CCSER2: variants seen among roughly 807,000 people sequenced by gnomAD.
CCSER2 encodes the protein coiled-coil serine rich protein 2.
In CCSER2, 46 loss-of-function variants were observed where a neutral mutation model predicts 92.3. The ratio of observed to expected loss-of-function variants is 0.50; its 90% CI spans 0.39 to 0.64. CCSER2 has a LOEUF of 0.64. Among genes scored for constraint, CCSER2 ranks in the 30% least tolerant of loss-of-function variants. The probability of loss-of-function intolerance (pLI) is 0.00; values close to 1 mark genes in which losing one functional copy is unlikely to be tolerated. For synonymous variants in CCSER2, 433 were observed against 431.4 expected (o/e 1.00, Z -0.04); for missense variants, 1,244 against 1,238.9 (o/e 1.00, Z -0.06).
intron 9 of CCSER2, among the ~76,000 whole-genome samples, chr10:84,501,834 A>AAAAATATATATATATATATATACTCATAT: frequency 2.5e-5 from 1 of 40,174 alleles, no homozygotes; most frequent in African/African-American, 4.7e-5. Flanking sequence ...AAAAAAAAAA[A>AAAAATATATATATATATATATACTCATAT]ATATATATAT....
intron 3 of CCSER2, among the ~76,000 whole-genome samples, chr10:84,409,738 A>G (rs1262750854): frequency 6.6e-6 from 1 of 152,142 alleles, no homozygotes; most frequent in Non-Finnish European, 1.5e-5. Context: ...TAATGTCAAC[A>G]TTTATCAGTT....
intron 1 of CCSER2, among the ~76,000 whole-genome samples, chr10:84,356,140 G>A (rs1845159640): frequency 6.6e-6 from 1 of 151,580 alleles, no homozygotes; most frequent in African/African-American, 2.4e-5. Flanking sequence ...TTAATCTGAG[G>A]TGGAGGTTTG....
At chr10:84,484,030 C>G (rs1234544440) in intron 9 of CCSER2, among the ~76,000 whole-genome samples, 1 of 139,202 alleles carries the variant, frequency 7.2e-6, no homozygotes, top group Non-Finnish European at 1.5e-5. Flanking sequence ...GAGTCTCGCT[C>G]TGTCGTGATC....
At chr10:84,441,734 A>AATTTTTTTTTTTT (rs1564667378) in intron 6 of CCSER2, among the ~76,000 whole-genome samples, 1 of 106,410 alleles carries the variant, frequency 9.4e-6, no homozygotes, top group Non-Finnish European at 1.8e-5. Context: ...GACTGGGAAA[A>AATTTTTTTTTTTT]TGTTTTTTTT....
chr10:84,340,504 A>G (rs888552123), intron 1 of CCSER2, among the ~76,000 whole-genome samples: 9 of 152,210 alleles, frequency 5.9e-5, no homozygotes, highest in Non-Finnish European at 1.0e-4. Flanking sequence ...AAACACAGTC[A>G]TATCCTAAAG....
chr10:84,460,256 A>ATTTTTT lies in CCSER2; in HGVS notation c.2065-3664_2065-3659dup, dbSNP rs57903884. On this transcript the variant is annotated intron_variant, in intron 6 of 9. Coordinates refer to ENST00000372088, the MANE Select transcript of CCSER2 (RefSeq NM_001284240.2). ...GGGCATGCGCCACCATGCCCGGCTG[A>ATTTTTT]TTTTTTTTTTTTTTTTTTCATATTT... Among the ~76,000 whole-genome samples, 10 of 125,714 alleles carry ATTTTTT rather than the reference A, an allele frequency of 8.0e-5. 1 individual carries two copies. The South Asian group carries it at 8.2e-4, about 10-fold the overall frequency. 82.5% of individuals were successfully genotyped at this position (125,714 alleles called of 152,430 possible). A position where few individuals can be genotyped will look rare whatever the true frequency, so the allele number is the denominator to read the frequency against.
intron 1 of CCSER2, among the ~76,000 whole-genome samples, chr10:84,349,571 A>ACTAGGGAGG (rs1844749609): frequency 6.6e-6 from 1 of 152,128 alleles, no homozygotes; most frequent in African/African-American, 2.4e-5. Flanking sequence ...AGTCCCAGCT[A>ACTAGGGAGG]CTAGGGAGGC....
At chr10:84,397,134 A>G (rs149264553) in intron 3 of CCSER2, among the ~76,000 whole-genome samples, 66 of 152,280 alleles carry the variant, frequency 4.3e-4, no homozygotes, top group African/African-American at 1.5e-3. Context: ...ATGGTATTCT[A>G]TTTTCCTAGA....
chr10:84,507,481 G>A (rs561196918), intron 9 of CCSER2: 1 of 165,824 alleles, frequency 6.0e-6, no homozygotes, highest in South Asian at 2.0e-4. Context: ...CCTTTTTATG[G>A]TTAAAATGTA....
intron 3 of CCSER2, among the ~76,000 whole-genome samples, chr10:84,394,642 C>A (rs1363747008): frequency 6.6e-6 from 1 of 151,612 alleles, no homozygotes; most frequent in South Asian, 2.1e-4. Context: ...TTAGAAATGA[C>A]CCCAGGGAAA....
intron 6 of CCSER2, among the ~76,000 whole-genome samples, chr10:84,463,683 T>C (rs560865929): frequency 3.9e-5 from 6 of 152,338 alleles, no homozygotes; most frequent in African/African-American, 7.2e-5. Flanking sequence ...TTCAGCCGCT[T>C]ATATAGTATC....
intron 1 of CCSER2, among the ~76,000 whole-genome samples, chr10:84,359,838 G>A (rs1845402778): frequency 6.6e-6 from 1 of 151,680 alleles, no homozygotes; most frequent in Non-Finnish European, 1.5e-5. Flanking sequence ...TTCTGAGACA[G>A]AGTCTCACTC....
chr10:84,451,182 CAT>C (rs1191881166), intron 6 of CCSER2, among the ~76,000 whole-genome samples: 3 of 148,942 alleles, frequency 2.0e-5, no homozygotes, highest in African/African-American at 4.9e-5. Context: ...GAATAGGAAA[CAT>C]AGAAATATGT....
At position 84,371,226 on chromosome 10, in the gene CCSER2, T is replaced by G. The variant is rs768551437; in HGVS notation, c.174T>G (p.Cys58Trp). The change falls in exon 2 of 10, where the codon TGT (cysteine) becomes TGG (tryptophan). Residue 58 changes from cysteine to tryptophan, a missense_variant. Coordinates refer to ENST00000372088, the MANE Select transcript of CCSER2 (RefSeq NM_001284240.2). ...ACATCAAAAATAATGGCTCTGATTG[T>G]CCATCATCTCATTCATTTAATTGGA... Reference protein sequence around the residue: ...KSYIKNNGSDCPSSHSFNWRK... With the variant: ...KSYIKNNGSDWPSSHSFNWRK... 6.2e-6 allele frequency: 10 copies of G among 1,613,172 alleles called. No individual in the cohort carries two copies. The African/African-American group carries it at 1.2e-4, about 19-fold the overall frequency.
chr10:84,450,310 G>A (rs1845199764), intron 6 of CCSER2, among the ~76,000 whole-genome samples: 2 of 152,152 alleles, frequency 1.3e-5, no homozygotes, highest in African/African-American at 4.8e-5. Flanking sequence ...AAGTAAAACA[G>A]TATAAAACTA....
At chr10:84,355,012 A>C (rs1845083480) in intron 1 of CCSER2, among the ~76,000 whole-genome samples, 1 of 152,022 alleles carries the variant, frequency 6.6e-6, no homozygotes, top group Non-Finnish European at 1.5e-5. Flanking sequence ...AAAATTCTTT[A>C]GATTTAATAT....
In CCSER2 at chr10:84,518,142, T is replaced by C. The variant is rs1031470713; in HGVS notation, c.*3875T>C. On this transcript the variant is annotated 3_prime_UTR_variant, in exon 10 of 10. Coordinates refer to ENST00000372088, the MANE Select transcript of CCSER2 (RefSeq NM_001284240.2). Reference sequence around the variant, plus strand: ...CTATTTTCTAGTGATTTTTCACATCTCCCTTTAAGTTTTTGCTGCAGCAAT... The same window carrying C: ...CTATTTTCTAGTGATTTTTCACATCCCCCTTTAAGTTTTTGCTGCAGCAAT... 1 of 152,226 alleles carries C rather than the reference T, an allele frequency of 6.6e-6. No individual in the cohort carries two copies. The highest frequency in any genetic ancestry group is 1.5e-5 in the Non-Finnish European group (1 of 68,042). The allele number at this position is 152,226 out of a possible 1,614,324, so 9.4% of individuals were successfully genotyped here. A position where few individuals can be genotyped will look rare whatever the true frequency, so the allele number is the denominator to read the frequency against.
intron 3 of CCSER2, among the ~76,000 whole-genome samples, chr10:84,383,386 C>G (rs2133222304): frequency 6.6e-6 from 1 of 151,938 alleles, no homozygotes; most frequent in Non-Finnish European, 1.5e-5. Flanking sequence ...TCTCGGCTCA[C>G]TGCAAACTCC....
In CCSER2 at chr10:84,333,704, C is replaced by T. The variant is rs927438004; in HGVS notation, c.-40+4896C>T. 4.6e-5 allele frequency among the ~76,000 whole-genome samples: 7 copies of T among 152,144 alleles called. No homozygotes were observed. The East Asian group carries it at 7.7e-4, about 17-fold the overall frequency. Reference sequence around the variant, plus strand: ...ATTCATGTGAGAAATGAAGGCTAAACCTTGAGGTGGAAGTGGAGATCGGGA... The same window carrying T: ...ATTCATGTGAGAAATGAAGGCTAAATCTTGAGGTGGAAGTGGAGATCGGGA... On this transcript the variant is annotated intron_variant, in intron 1 of 9. Transcript: ENST00000372088.
Sources: allele counts gnomAD v4.1 joint callset (sites outside exome capture counted in the v4.1 genomes callset), GRCh38; gene constraint gnomAD v4.1.1; transcripts MANE v1.5; gene names NCBI Gene and HGNC (gene_info 2026-07-23, HGNC 2026-07-21).